The following ADAMTS12 variants were observed in gnomAD, a reference collection of about 807,000 sequenced individuals.
ADAMTS12 encodes the protein ADAM metallopeptidase with thrombospondin type 1 motif 12.
Under a neutral mutation model 167.8 loss-of-function variants are expected in ADAMTS12, and 118 were observed. That is an observed-to-expected ratio of 0.70 (90% CI 0.61 to 0.82). The LOEUF (loss-of-function observed/expected upper bound fraction) is 0.82. Among genes scored for constraint, ADAMTS12 ranks in the 40% least tolerant of loss-of-function variants. The pLI, the probability that ADAMTS12 is intolerant of heterozygous loss-of-function variation, is 0.00. For synonymous variants in ADAMTS12, 704 were observed against 716.9 expected, an observed-to-expected ratio of 0.98 and a Z score of 0.29; for missense variants, 1,916 against 1,998.8, an observed-to-expected ratio of 0.96 and a Z score of 0.79.
intron 2 of ADAMTS12, among the ~76,000 whole-genome samples, chr5:33,811,965 T>A (rs1038293913): frequency 6.6e-6 from 1 of 152,066 alleles, no homozygotes; most frequent in Non-Finnish European, 1.5e-5. Context: ...AGGGATGACA[T>A]AAACGATAGG....
intron 2 of ADAMTS12, among the ~76,000 whole-genome samples, chr5:33,835,046 C>T (rs148577411): frequency 2.3e-4 from 35 of 152,248 alleles, no homozygotes; most frequent in African/African-American, 5.5e-4. Context: ...CCCAGGAATG[C>T]GGCTAACCAT....
intron 3 of ADAMTS12, among the ~76,000 whole-genome samples, chr5:33,739,344 C>T (rs2112367983): frequency 6.6e-6 from 1 of 152,292 alleles, no homozygotes; most frequent in African/African-American, 2.4e-5. Flanking sequence ...CCCCACTGGG[C>T]TGAGTTTAGC....
chr5:33,687,520 G>T (rs1308815722), intron 3 of ADAMTS12, among the ~76,000 whole-genome samples: 2 of 152,228 alleles, frequency 1.3e-5, no homozygotes, highest in African/African-American at 4.8e-5. Context: ...AGAGACAAAG[G>T]AGTATGTGAC....
chr5:33,658,480 C>T, intron 6 of ADAMTS12, 147 bp from the exon 7 acceptor site: 1 of 825,014 alleles, frequency 1.2e-6, no homozygotes. Context: ...ATGTAGGCAG[C>T]AATTTTGAAT....
At chr5:33,713,143 G>C (rs886729486) in intron 3 of ADAMTS12, among the ~76,000 whole-genome samples, 1 of 152,086 alleles carries the variant, frequency 6.6e-6, no homozygotes, top group Non-Finnish European at 1.5e-5. Flanking sequence ...CTTAGAGTTT[G>C]GTTCATAATG....
chr5:33,658,052 A>G (rs1405940613), intron 7 of ADAMTS12, 132 bp downstream of exon 7: 65 of 1,131,538 alleles, frequency 5.7e-5, no homozygotes, highest in Non-Finnish European at 7.8e-5. Context: ...GAGGTTGAGG[A>G]GGGTGAGTCA....
intron 22 of ADAMTS12, among the ~76,000 whole-genome samples, chr5:33,539,493 G>A (rs1225606547): frequency 6.6e-6 from 1 of 152,176 alleles, no homozygotes; most frequent in Non-Finnish European, 1.5e-5. Flanking sequence ...CAAGGTGCTG[G>A]TTGTAAAACA....
chr5:33,797,686 G>C (rs541668467), intron 2 of ADAMTS12, among the ~76,000 whole-genome samples: 1 of 152,010 alleles, frequency 6.6e-6, no homozygotes, highest in South Asian at 2.1e-4. Context: ...TTGGGTTGTC[G>C]TAAGGATTAA....
intron 23 of ADAMTS12, among the ~76,000 whole-genome samples, chr5:33,528,785 G>C (rs753375225): frequency 1.1e-4 from 16 of 152,148 alleles, no homozygotes; most frequent in Non-Finnish European, 1.3e-4. Flanking sequence ...GGTGGCTCAC[G>C]CCTGTAATCC....
chr5:33,643,849 C>G (rs774692567), intron 9 of ADAMTS12, among the ~76,000 whole-genome samples: 11 of 152,210 alleles, frequency 7.2e-5, no homozygotes, highest in Non-Finnish European at 1.5e-4. Context: ...TGATTACTAA[C>G]AGTTGGGGGT....
At chr5:33,678,155 C>A (rs1036136973) in intron 5 of ADAMTS12, among the ~76,000 whole-genome samples, 6 of 152,200 alleles carry the variant, frequency 3.9e-5, no homozygotes, top group Non-Finnish European at 5.9e-5. Flanking sequence ...CCTGAGTGAT[C>A]TCTCTAACTC....
intron 16 of ADAMTS12, among the ~76,000 whole-genome samples, chr5:33,608,153 T>C (rs1354788996): frequency 6.6e-6 from 1 of 152,190 alleles, no homozygotes; most frequent in Admixed American, 6.5e-5. Flanking sequence ...GTTTCCTTTG[T>C]AACATTCTTT....
intron 13 of ADAMTS12, among the ~76,000 whole-genome samples, chr5:33,626,755 G>GA: frequency 6.6e-6 from 1 of 150,618 alleles, no homozygotes; most frequent in East Asian, 2.0e-4. Context: ...TGGTGGTGAT[G>GA]TGGTAGTGAT....
At chr5:33,693,774 C>T (rs1236585816) in intron 3 of ADAMTS12, among the ~76,000 whole-genome samples, 2 of 152,290 alleles carry the variant, frequency 1.3e-5, no homozygotes, top group East Asian at 3.9e-4. Flanking sequence ...AGGACGCTCA[C>T]TCCCACCAAT....
At chr5:33,752,066 C>T (rs1319843913) in intron 2 of ADAMTS12, among the ~76,000 whole-genome samples, 1 of 152,202 alleles carries the variant, frequency 6.6e-6, no homozygotes, top group Non-Finnish European at 1.5e-5. Flanking sequence ...ATGCAAAGTC[C>T]TTGATCTGAG....
intron 3 of ADAMTS12, among the ~76,000 whole-genome samples, chr5:33,730,289 G>GGGGGGTGTGTGT (rs1554038433): frequency 2.8e-5 from 4 of 144,154 alleles, no homozygotes; most frequent in Non-Finnish European, 6.1e-5. Context: ...AGTCCATTAG[G>GGGGGGTGTGTGT]GTGTGTGTGT....
chr5:33,634,156 A>G (rs1451091120), intron 12 of ADAMTS12, among the ~76,000 whole-genome samples: 2 of 152,174 alleles, frequency 1.3e-5, no homozygotes, highest in East Asian at 3.9e-4. Flanking sequence ...AATATTTCTT[A>G]GGTAAGGAAA....
intron 20 of ADAMTS12, among the ~76,000 whole-genome samples, chr5:33,558,522 G>C (rs549256304): frequency 6.6e-6 from 1 of 152,104 alleles, no homozygotes; most frequent in Admixed American, 6.5e-5. Flanking sequence ...GAGAGAGAGA[G>C]GGGCATGAGA....
chr5:33,620,409 C>A (rs1403538696), intron 14 of ADAMTS12, among the ~76,000 whole-genome samples: 1 of 152,198 alleles, frequency 6.6e-6, no homozygotes, highest in African/African-American at 2.4e-5. Flanking sequence ...CTGTGATACA[C>A]AATTTACTGG....
Sources: allele counts gnomAD v4.1 joint callset (sites outside exome capture counted in the v4.1 genomes callset), GRCh38; gene constraint gnomAD v4.1.1; transcripts MANE v1.5; gene names NCBI Gene and HGNC (gene_info 2026-07-23, HGNC 2026-07-21).